SUPT3H: variants seen among roughly 807,000 people sequenced by gnomAD.
SUPT3H encodes SPT3 homolog, SAGA and STAGA complex component.
SUPT3H carries 44 observed loss-of-function variants against 44.3 expected under a neutral mutation model. That is an observed-to-expected ratio of 0.99 (90% CI 0.78 to 1.28). The LOEUF is 1.28. Ranked by LOEUF, SUPT3H falls within the 50% of genes most tolerant of loss-of-function variation. The probability of loss-of-function intolerance (pLI) is 0.00; values close to 1 mark genes in which losing one functional copy is unlikely to be tolerated. For missense variants in SUPT3H, 380 were observed against 387.1 expected (o/e 0.98, Z 0.15); for synonymous variants, 124 against 125.6 (o/e 0.99, Z 0.09).
intron 10 of SUPT3H, among the ~76,000 whole-genome samples, chr6:44,869,654 T>C (rs1776051481): frequency 6.6e-6 from 1 of 152,206 alleles, no homozygotes; most frequent in Non-Finnish European, 1.5e-5. Context: ...AGAAAGCTCT[T>C]TTCTAACCTG....
intron 6 of SUPT3H, among the ~76,000 whole-genome samples, chr6:44,993,401 T>C (rs1780858308): frequency 6.6e-6 from 1 of 151,976 alleles, no homozygotes; most frequent in African/African-American, 2.4e-5. Flanking sequence ...TCCATTTTTA[T>C]AGATCTGTAA....
intron 2 of SUPT3H, among the ~76,000 whole-genome samples, chr6:45,119,633 A>G (rs1415255434): frequency 6.6e-6 from 1 of 152,182 alleles, no homozygotes; most frequent in Non-Finnish European, 1.5e-5. Flanking sequence ...TGTTAACAGG[A>G]AAGAGTCAAT....
At chr6:45,054,022 A>G (rs977629970) in intron 3 of SUPT3H, among the ~76,000 whole-genome samples, 75 of 151,706 alleles carry the variant, frequency 4.9e-4, no homozygotes, top group Admixed American at 4.8e-3. Flanking sequence ...GAATGAAGGC[A>G]CTGAAATGCC....
chr6:45,148,755 A>G (rs1431725764), intron 2 of SUPT3H, among the ~76,000 whole-genome samples: 1 of 152,166 alleles, frequency 6.6e-6, no homozygotes, highest in African/African-American at 2.4e-5. Flanking sequence ...GTATTTATTT[A>G]TTAACCATTT....
intron 1 of SUPT3H, among the ~76,000 whole-genome samples, chr6:45,376,980 C>T (rs1371257864): frequency 6.6e-6 from 1 of 151,696 alleles, no homozygotes; most frequent in African/African-American, 2.4e-5. Context: ...GCTAATTTAT[C>T]CACGTGTACA....
At chr6:44,895,992 G>T (rs1293154510) in intron 10 of SUPT3H, among the ~76,000 whole-genome samples, 1 of 151,858 alleles carries the variant, frequency 6.6e-6, no homozygotes, top group Non-Finnish European at 1.5e-5. Context: ...TTGAAGGAGG[G>T]ATTGTATATG....
chr6:44,926,010 A>G (rs982216037), intron 10 of SUPT3H, among the ~76,000 whole-genome samples: 1 of 152,286 alleles, frequency 6.6e-6, no homozygotes, highest in South Asian at 2.1e-4. Flanking sequence ...ATATTCAGGT[A>G]GTACATACAA....
At chr6:45,245,030 T>C (rs1200180813) in intron 2 of SUPT3H, among the ~76,000 whole-genome samples, 1 of 152,188 alleles carries the variant, frequency 6.6e-6, no homozygotes, top group Non-Finnish European at 1.5e-5. Flanking sequence ...AAACTAGCTT[T>C]ACCTTCGAGC....
intron 2 of SUPT3H, among the ~76,000 whole-genome samples, chr6:45,243,543 C>T (rs981947216): frequency 6.6e-6 from 1 of 151,948 alleles, no homozygotes; most frequent in Non-Finnish European, 1.5e-5. Flanking sequence ...CTCATTAATA[C>T]AAGAGATTGT....
At chr6:45,153,634 C>A (rs529496929) in intron 2 of SUPT3H, among the ~76,000 whole-genome samples, 2 of 152,206 alleles carry the variant, frequency 1.3e-5, no homozygotes, top group East Asian at 3.9e-4. Context: ...ACTTAGGGAG[C>A]CCGAGGCTGA....
At chr6:44,995,691 C>A (rs1361935785) in intron 6 of SUPT3H, among the ~76,000 whole-genome samples, 2 of 151,910 alleles carry the variant, frequency 1.3e-5, no homozygotes, top group Non-Finnish European at 2.9e-5. Flanking sequence ...TCTAAAGAGC[C>A]TATTTAATTT....
At chr6:45,096,118 A>G (rs1273947423) in intron 3 of SUPT3H, among the ~76,000 whole-genome samples, 1 of 152,148 alleles carries the variant, frequency 6.6e-6, no homozygotes. Flanking sequence ...AAATATTAGC[A>G]TTGCAACATA....
chr6:45,359,835 G>GA (rs1793927018), intron 2 of SUPT3H, among the ~76,000 whole-genome samples: 2 of 152,278 alleles, frequency 1.3e-5, no homozygotes, highest in South Asian at 4.1e-4. Flanking sequence ...CTTGAGCCCA[G>GA]AAGTTCAAGA....
At chr6:44,881,285 CA>C (rs1312607130) in intron 10 of SUPT3H, among the ~76,000 whole-genome samples, 5 of 152,030 alleles carry the variant, frequency 3.3e-5, no homozygotes, top group Non-Finnish European at 5.9e-5. Context: ...TCAAAAGAGA[CA>C]AAGAAGGCCA....
At chr6:45,077,667 G>GAAAAAAAAAAAAAAAAAAAAAAAAAAAA (rs1293528393) in intron 3 of SUPT3H, among the ~76,000 whole-genome samples, 1 of 69,264 alleles carries the variant, frequency 1.4e-5, no homozygotes. Flanking sequence ...AAGTGTTCAT[G>GAAAAAAAAAAAAAAAAAAAAAAAAAAAA]AAACAAATCA....
At chr6:45,365,636 G>A (rs1018172790) in intron 1 of SUPT3H, among the ~76,000 whole-genome samples, 2 of 147,400 alleles carry the variant, frequency 1.4e-5, no homozygotes, top group African/African-American at 5.1e-5. Flanking sequence ...GGAGCCCTAC[G>A]GTTCATCAGC....
intron 6 of SUPT3H, among the ~76,000 whole-genome samples, chr6:44,982,246 T>A (rs548828198): frequency 6.6e-6 from 1 of 152,180 alleles, no homozygotes; most frequent in South Asian, 2.1e-4. Context: ...TTTTTTGAGA[T>A]GGAGTCTCGC....
At chr6:45,217,140 A>G (rs1765194488) in intron 2 of SUPT3H, among the ~76,000 whole-genome samples, 2 of 152,232 alleles carry the variant, frequency 1.3e-5, no homozygotes, top group Admixed American at 1.3e-4. Context: ...GCCAAAATGT[A>G]AAGAGACCTA....
chr6:45,356,626 C>A lies in SUPT3H; in HGVS notation c.101+8575G>T, dbSNP rs181385419. 3.3e-5 allele frequency among the ~76,000 whole-genome samples: 5 copies of A among 151,920 alleles called. No individual in the cohort carries two copies. In the East Asian group the frequency reaches 7.8e-4, roughly 24 times the overall value. ...ATGGTGGCCAGGCTGGTCTCGAACT[C>A]CTGACTGACCTCAAGTGATCTGCCC... is the stretch of plus-strand genomic sequence containing the variant. On this transcript the variant is annotated intron_variant, in intron 2 of 10. Coordinates refer to ENST00000371459, the MANE Select transcript of SUPT3H (RefSeq NM_003599.4).
Sources: gnomAD v4.1 joint callset for allele counts (sites outside exome capture counted in the v4.1 genomes callset) on GRCh38, gnomAD v4.1.1 for gene constraint, MANE v1.5 for transcripts, NCBI Gene and HGNC (gene_info 2026-07-23, HGNC 2026-07-21) for gene names.